The following NECTIN1 variants were observed in gnomAD, a reference collection of about 807,000 sequenced individuals.
NECTIN1 encodes nectin-1.
NECTIN1 carries 23 observed loss-of-function variants against 48.0 expected under a neutral mutation model. That is an observed-to-expected ratio of 0.48 (90% CI 0.34 to 0.68). NECTIN1 has a LOEUF of 0.68. NECTIN1 is among the 30% of genes least tolerant of loss of function. NECTIN1 has a pLI of 0.01. For missense variants in NECTIN1, 591 were observed against 709.9 expected (o/e 0.83, Z 1.90); for synonymous variants, 270 against 288.9 (o/e 0.93, Z 0.66).
chr11:119,696,115 A>T (rs4623916), intron 1 of NECTIN1, among the ~76,000 whole-genome samples: 64,995 of 151,962 alleles, frequency 0.43, 14,195 homozygotes, highest in East Asian at 0.6. Context: ...ATATATTTTA[A>T]TTTTTAAATT....
At chr11:119,694,942 A>G (rs1865317577) in intron 1 of NECTIN1, among the ~76,000 whole-genome samples, 1 of 151,834 alleles carries the variant, frequency 6.6e-6, no homozygotes, top group African/African-American at 2.4e-5. Flanking sequence ...CTCCTTCTGA[A>G]GGTCTAGAAT....
chr11:119,665,006 C>G lies in NECTIN1; in HGVS notation c.1295G>C (p.Gly432Ala). 1 of 1,613,850 alleles carries G rather than the reference C, an allele frequency of 6.2e-7. No individual in the cohort carries two copies. Among genetic ancestry groups the G allele is most frequent in the Non-Finnish European group, 8.5e-7 (1 of 1,179,928 alleles). ...CTCCTCCTCCTCATAGCTGCTTCCA[C>G]CCAGTGGGCCGGCCTTCTTCTCGTC... Reference protein sequence around the residue: ...SDDEKKAGPLGGSSYEEEEEE... With the variant: ...SDDEKKAGPLAGSSYEEEEEE... Residue 432 changes from glycine to alanine, a missense_variant, in exon 6 of 6, where the codon GGT becomes GCT. Gly to Ala is a moderately conservative substitution (Grantham distance 60). Transcript: ENST00000264025. This position sits in a 1 kb window ranked among gnomAD's most constrained non-coding sequence, Gnocchi z 5.1.
chr11:119,717,592 T>A (rs1041756484), intron 1 of NECTIN1, among the ~76,000 whole-genome samples: 9 of 152,126 alleles, frequency 5.9e-5, no homozygotes, highest in Admixed American at 5.2e-4. Flanking sequence ...CCAGTGTTAT[T>A]TACAGTGTTA....
intron 1 of NECTIN1, among the ~76,000 whole-genome samples, chr11:119,705,398 T>C (rs1865530427): frequency 1.3e-5 from 2 of 152,174 alleles, no homozygotes; most frequent in African/African-American, 4.8e-5. Flanking sequence ...AAAATGTGTG[T>C]AGGATTAATT....
At chr11:119,659,715 T>C (rs1408678873), downstream of NECTIN1, among the ~76,000 whole-genome samples, 1 of 152,250 alleles carries the variant, frequency 6.6e-6, no homozygotes, top group East Asian at 1.9e-4. Context: ...GGGTTGTGCC[T>C]GAGACTAATT....
intron 5 of NECTIN1, among the ~76,000 whole-genome samples, chr11:119,652,014 T>C (rs1421894514): frequency 1.3e-5 from 2 of 152,128 alleles, no homozygotes; most frequent in Non-Finnish European, 2.9e-5. Context: ...CCCTGCCTCC[T>C]AGTCCAGGCC....
chr11:119,716,790 C>A (rs1255557283), intron 1 of NECTIN1, among the ~76,000 whole-genome samples: 2 of 152,234 alleles, frequency 1.3e-5, no homozygotes, highest in Non-Finnish European at 2.9e-5. Context: ...GGTGAGGGCC[C>A]CCTACCTGTG....
chr11:119,648,286 G>A lies in NECTIN1; in HGVS notation c.1004-8274C>T, dbSNP rs867536254. ...AATAGTGGTGGTGGTGATGGTGGTG[G>A]TGATGGTGGTGGTGGTGGTGATGGT... On this transcript the variant is annotated intron_variant, in intron 5 of 7. Transcript: ENST00000341398. Among the ~76,000 whole-genome samples the A allele has an allele frequency of 6.7e-4, 20 of 29,688 alleles. 1 individual carries two copies. The highest frequency in any genetic ancestry group is 2.8e-3 in the East Asian group (2 of 710). 19.5% of individuals were successfully genotyped at this position (29,688 alleles called of 152,430 possible). A position where few individuals can be genotyped will look rare whatever the true frequency, so the allele number is the denominator to read the frequency against.
In NECTIN1 at chr11:119,684,796, C is replaced by A. The variant is rs900741720; in HGVS notation, c.80-6031G>T. On this transcript the variant is annotated intron_variant, in intron 1 of 5. Transcript: ENST00000264025. This position sits in a 1 kb window ranked among gnomAD's most constrained non-coding sequence, Gnocchi z 5.2. ...GGACACCCACTTCCTTTCTGGGGTC[C>A]CCTCCTTTCACAGGTTTTGCCAATC... Among the ~76,000 whole-genome samples the A allele has an allele frequency of 6.6e-6, 1 of 152,198 alleles. No homozygotes were observed. The highest frequency in any genetic ancestry group is 2.4e-5 in the African/African-American group (1 of 41,446).
At position 119,709,278 on chromosome 11, in the gene NECTIN1, C is replaced by G. The variant is rs1865596709; in HGVS notation, c.79+19197G>C. 6.6e-6 allele frequency among the ~76,000 whole-genome samples: 1 copy of G among 152,160 alleles called. No individual in the cohort carries two copies. The highest frequency in any genetic ancestry group is 2.4e-5 in the African/African-American group (1 of 41,418). ...TCTGTTCAGAAATAAGAGACCCCCT[C>G]ACTCATATCCCCAGTGTACCAGGGC... On this transcript the variant is annotated intron_variant, in intron 1 of 5. Coordinates refer to ENST00000264025, the MANE Select transcript of NECTIN1 (RefSeq NM_002855.5). The surrounding 1 kb of genome is among the most constrained non-coding windows in gnomAD (Gnocchi z 4.1).
chr11:119,652,637 A>T (rs1189194696), intron 5 of NECTIN1, among the ~76,000 whole-genome samples: 1 of 152,154 alleles, frequency 6.6e-6, no homozygotes, highest in Non-Finnish European at 1.5e-5. Context: ...ATAACATACC[A>T]CTATGCCCTT....
Position 119,663,138 on chromosome 11 carries a change from CCT to C in NECTIN1, c.*1607_*1608del. The C allele has an allele frequency of 1.0e-6, 1 of 985,546 alleles. No homozygotes were observed. Among genetic ancestry groups the C allele is most frequent in the Non-Finnish European group, 1.2e-6 (1 of 830,008 alleles). The allele number at this position is 985,546 out of a possible 1,614,324, so 61.1% of individuals were successfully genotyped here. On this transcript the variant is annotated 3_prime_UTR_variant, in exon 6 of 6. Transcript: ENST00000264025. ...CCAACACTTGCCATCCTGCAGAGCC[CCT>C]GACACCCTGGGGTGAGTTAACTGGA...
Position 119,662,058 on chromosome 11 carries a change from T to C in NECTIN1, c.*2689A>G. 1 of 984,656 alleles carries C rather than the reference T, an allele frequency of 1.0e-6. No homozygotes were observed. The highest frequency in any genetic ancestry group is 1.2e-6 in the Non-Finnish European group (1 of 829,674). The allele number at this position is 984,656 out of a possible 1,614,324, so 61.0% of individuals were successfully genotyped here. On this transcript the variant is annotated 3_prime_UTR_variant, in exon 6 of 6. Transcript: ENST00000264025. The surrounding 1 kb of genome is among the most constrained non-coding windows in gnomAD (Gnocchi z 5.3). ...CTGTAAGGAAACAGGGGCATGGGTG[T>C]GGGGTGGGGGGCAAGGACAGGGAGG... is the stretch of plus-strand genomic sequence containing the variant.
intron 5 of NECTIN1, chr11:119,640,186 T>C: frequency 1.5e-6 from 1 of 687,550 alleles, no homozygotes. Flanking sequence ...CGGTGTGGGA[T>C]GGAGGCTCCT....
At chr11:119,644,901 A>G (rs1416037948) in intron 5 of NECTIN1, among the ~76,000 whole-genome samples, 4 of 152,130 alleles carry the variant, frequency 2.6e-5, no homozygotes, top group Non-Finnish European at 5.9e-5. Flanking sequence ...TAGATTTCTA[A>G]TAGGTGATAT....
At chr11:119,640,134 TC>T (rs983790922) in intron 5 of NECTIN1, 189 of 1,085,966 alleles carry the variant, frequency 1.7e-4, no homozygotes, top group Non-Finnish European at 2.4e-4. Flanking sequence ...CACCCCCAGC[TC>T]CCCTCCCCAT....
chr11:119,659,879 T>G (rs1325631835), downstream of NECTIN1, among the ~76,000 whole-genome samples: 1 of 152,220 alleles, frequency 6.6e-6, no homozygotes, highest in African/African-American at 2.4e-5. Flanking sequence ...AAAATTAACT[T>G]AAACGGACAG....
At position 119,663,676 on chromosome 11, in the gene NECTIN1, C is replaced by T; in HGVS notation, c.*1071G>A. The T allele has an allele frequency of 2.0e-6, 2 of 985,488 alleles. No individual in the cohort carries two copies. Among genetic ancestry groups the T allele is most frequent in the Middle Eastern group, 5.2e-4 (1 of 1,914 alleles). The allele number at this position is 985,488 out of a possible 1,614,324, so 61.0% of individuals were successfully genotyped here. ...CAGGTGGATCCCCCTGGGATCCCAG[C>T]CCTGACTAGCCAAAAGAACCAAGTG... On this transcript the variant is annotated 3_prime_UTR_variant, in exon 6 of 6. Transcript: ENST00000264025.
Position 119,709,050 on chromosome 11 carries a change from C to A in NECTIN1, c.79+19425G>T, listed in dbSNP as rs1865593097. Among the ~76,000 whole-genome samples the A allele has an allele frequency of 6.6e-6, 1 of 152,076 alleles. No individual in the cohort carries two copies. The highest frequency in any genetic ancestry group is 2.1e-4 in the South Asian group (1 of 4,814). ...ACCGGAGAGATCCTGAGACACTCTA[C>A]CCCCCACGCCCGCCCACATAGCCAA... is the stretch of plus-strand genomic sequence containing the variant. On this transcript the variant is annotated intron_variant, in intron 1 of 5. Transcript: ENST00000264025. This position sits in a 1 kb window ranked among gnomAD's most constrained non-coding sequence, Gnocchi z 4.1.
Sources: allele counts gnomAD v4.1 joint callset (sites outside exome capture counted in the v4.1 genomes callset), GRCh38; gene constraint gnomAD v4.1.1; non-coding constraint Gnocchi (gnomAD v3.1); transcripts MANE v1.5; gene names NCBI Gene and HGNC (gene_info 2026-07-23, HGNC 2026-07-21).